The following LCA5L variants were observed in gnomAD, a reference collection of about 807,000 sequenced individuals.
The protein encoded by LCA5L is lebercilin-like protein.
LCA5L carries 35 observed loss-of-function variants against 45.4 expected under a neutral mutation model. The observed-to-expected ratio is 0.77, with a 90% CI of 0.59 to 1.02. The LOEUF (loss-of-function observed/expected upper bound fraction) is 1.02. Among genes scored for constraint, LCA5L ranks in the 50% least tolerant of loss-of-function variants. The pLI is 0.00. For synonymous variants in LCA5L, 233 were observed against 264.7 expected, an observed-to-expected ratio of 0.88 and a Z score of 1.16; for missense variants, 668 against 761.6, an observed-to-expected ratio of 0.88 and a Z score of 1.45.
At chr21:39,436,293 T>C (rs543864619) in intron 2 of LCA5L, 35 of 152,342 alleles carry the variant, frequency 2.3e-4, no homozygotes, top group Non-Finnish European at 4.9e-4. Flanking sequence ...TCTGGTTCCA[T>C]ACTTTCATGA....
At chr21:39,412,294 G>A (rs2040223090) in intron 7 of LCA5L, among the ~76,000 whole-genome samples, 1 of 152,174 alleles carries the variant, frequency 6.6e-6, no homozygotes, top group African/African-American at 2.4e-5. Context: ...ATGAGACAGG[G>A]CTACGTCTAG....
intron 7 of LCA5L, among the ~76,000 whole-genome samples, chr21:39,412,366 G>T (rs1041611859): frequency 8.5e-5 from 13 of 152,132 alleles, no homozygotes; most frequent in Non-Finnish European, 1.3e-4. Context: ...ATTTCATATT[G>T]ATTTTTTTGA....
In LCA5L at chr21:39,406,274, CT is replaced by C. The variant is rs766423313; in HGVS notation, c.1620del (p.Pro543GlnfsTer7). On this transcript the variant is annotated frameshift_variant, in exon 11 of 11. Coordinates refer to ENST00000288350, the MANE Select transcript of LCA5L (RefSeq NM_152505.4). LOFTEE classifies it low-confidence loss of function (END_TRUNC). ...ATGTTGCCGGCATTGGCTGGCCCCC[CT>C]GAAGCAGGAAGCCCATGATGCAGGT... ...TENLHHGLPA[S>X]GGPANAGNMR... 4 of 1,614,110 alleles carry C rather than the reference CT, an allele frequency of 2.5e-6. No homozygotes were observed. Among genetic ancestry groups the C allele is most frequent in the African/African-American group, 1.3e-5 (1 of 74,924 alleles).
At chr21:39,441,322 A>G (rs541369039) in intron 2 of LCA5L, among the ~76,000 whole-genome samples, 71 of 152,126 alleles carry the variant, frequency 4.7e-4, no homozygotes, top group Middle Eastern at 3.4e-3. Flanking sequence ...AAAAAAAACC[A>G]AACGAACAAA....
At chr21:39,411,408 A>G (rs73365940) in intron 8 of LCA5L, among the ~76,000 whole-genome samples, 4,796 of 152,262 alleles carry the variant, frequency 0.031, 213 homozygotes, top group African/African-American at 0.097. Context: ...AAAGCCATAC[A>G]CTGGCTAACA....
chr21:39,444,625 A>G (rs572398995), intron 1 of LCA5L: 1 of 152,354 alleles, frequency 6.6e-6, no homozygotes, highest in African/African-American at 2.4e-5. Flanking sequence ...TTAGGAAGCA[A>G]GTAAAATAAT....
intron 2 of LCA5L, among the ~76,000 whole-genome samples, chr21:39,442,109 A>C (rs2076921619): frequency 6.6e-6 from 1 of 152,226 alleles, no homozygotes; most frequent in Non-Finnish European, 1.5e-5. Flanking sequence ...TGATCCTGAC[A>C]GCGATCAGGG....
rs376768499 is a variant in LCA5L at position 39,405,729 on chromosome 21, T to G, written c.*153A>C. On this transcript the variant is annotated 3_prime_UTR_variant, in exon 11 of 11. Coordinates refer to ENST00000288350, the MANE Select transcript of LCA5L (RefSeq NM_152505.4). ...ATATAAAATAGATTTTTTACTAGAT[T>G]AGCAATCAAACAAAAATTTAATTAT... The G allele has an allele frequency of 3.4e-5, 17 of 506,528 alleles. No homozygotes were observed. The South Asian group carries it at 6.7e-4, about 20-fold the overall frequency. 31.4% of individuals were successfully genotyped at this position (506,528 alleles called of 1,614,324 possible). A position where few individuals can be genotyped will look rare whatever the true frequency, so the allele number is the denominator to read the frequency against.
chr21:39,406,508 T>G lies in LCA5L; in HGVS notation c.1387A>C (p.Lys463Gln), dbSNP rs1194864540. ...TTTGGTGGTAGTTCTTGCTCTTCTT[T>G]CACAAAAATGTTTTTCTTTTCTTGG... is the stretch of plus-strand genomic sequence containing the variant. ...EDQEKKNIFV[K>Q]EEQELPPKII... Residue 463 changes from lysine to glutamine, a missense_variant, in exon 11 of 11, where the codon AAA (lysine) becomes CAA (glutamine). Physicochemically the swap from Lys to Gln is moderately conservative, Grantham distance 53 (BLOSUM62 1). Transcript: ENST00000288350. The G allele has an allele frequency of 6.2e-7, 1 of 1,613,534 alleles. No homozygotes were observed. The highest frequency in any genetic ancestry group is 8.5e-7 in the Non-Finnish European group (1 of 1,179,874).
intron 7 of LCA5L, among the ~76,000 whole-genome samples, chr21:39,416,073 T>C (rs774280154): frequency 2.0e-5 from 3 of 152,218 alleles, no homozygotes; most frequent in Non-Finnish European, 2.9e-5. Flanking sequence ...TCTAATCCTG[T>C]CATTCCTTCT....
At position 39,428,396 on chromosome 21, in the gene LCA5L, G is replaced by A. The variant is rs748953881; in HGVS notation, c.98C>T (p.Pro33Leu). 7.4e-6 allele frequency: 12 copies of A among 1,612,812 alleles called. No individual in the cohort carries two copies. The South Asian group carries it at 1.3e-4, about 18-fold the overall frequency. The part of the protein sequence containing the change: ...NRRSAACKRS[P>L]GTGDFSRNSN... ...GTTCCGTGAAAAATCGCCTGTGCCT[G>A]GGCTTCTCTTGCATGCTGCAGACCT... Residue 33 changes from proline (P) to leucine (L), a missense_variant, in exon 5 of 11, where the codon CCA becomes CTA. Pro to Leu is a moderately conservative substitution (Grantham distance 98). Transcript: ENST00000288350.
At chr21:39,417,835 C>A (rs527239521) in intron 7 of LCA5L, among the ~76,000 whole-genome samples, 2 of 152,002 alleles carry the variant, frequency 1.3e-5, no homozygotes, top group Non-Finnish European at 2.9e-5. Flanking sequence ...GCGTGATCTC[C>A]GCTCACTGCA....
rs1285539638 is a variant in LCA5L at position 39,411,784 on chromosome 21, C to T, written c.994G>A (p.Glu332Lys). The T allele has an allele frequency of 6.3e-7, 1 of 1,586,408 alleles. No homozygotes were observed. The highest frequency in any genetic ancestry group is 1.3e-5 in the African/African-American group (1 of 74,364). Reference protein sequence around the residue: ...QKLKEKDRELEIKNIYSHRIL... With the variant: ...QKLKEKDRELKIKNIYSHRIL... Reference sequence around the variant, plus strand: ...CGATGACTATAGATGTTTTTAATTTCAAGCTCACGATCCTTTTCCTAAAAA... The same window carrying T: ...CGATGACTATAGATGTTTTTAATTTTAAGCTCACGATCCTTTTCCTAAAAA... Residue 332 changes from glutamate to lysine, a missense_variant, in exon 8 of 11, where the codon GAA (glutamate) becomes AAA (lysine). Glu to Lys is a moderately conservative substitution (Grantham distance 56). Coordinates refer to ENST00000288350, the MANE Select transcript of LCA5L (RefSeq NM_152505.4).
At chr21:39,412,884 G>C (rs1416573147) in intron 7 of LCA5L, among the ~76,000 whole-genome samples, 2 of 152,212 alleles carry the variant, frequency 1.3e-5, no homozygotes, top group Non-Finnish European at 2.9e-5. Context: ...GCCAGAGATT[G>C]TGCTTCCCTT....
At position 39,411,785 on chromosome 21, in the gene LCA5L, A is replaced by G. The variant is rs769708155; in HGVS notation, c.993T>C (p.Leu331=). Residue 331 remains leucine, a synonymous_variant, in exon 8 of 11, where the codon CTT becomes CTC. Coordinates refer to ENST00000288350, the MANE Select transcript of LCA5L (RefSeq NM_152505.4). The stretch of plus-strand genomic sequence containing the variant: ...GATGACTATAGATGTTTTTAATTTC[A>G]AGCTCACGATCCTTTTCCTAAAAAG... ...QQKLKEKDRE[L]EIKNIYSHRI... 3.8e-6 allele frequency: 6 copies of G among 1,587,250 alleles called. No individual in the cohort carries two copies. Among genetic ancestry groups the G allele is most frequent in the Non-Finnish European group, 5.2e-6 (6 of 1,162,300 alleles).
intron 2 of LCA5L, chr21:39,438,907 T>A (rs1490973331): frequency 6.6e-6 from 1 of 152,250 alleles, no homozygotes; most frequent in Admixed American, 6.5e-5. Flanking sequence ...ATTCTCATTT[T>A]TAAGATTTAA....
chr21:39,434,906 A>C (rs1257631298), intron 3 of LCA5L, among the ~76,000 whole-genome samples: 1 of 152,234 alleles, frequency 6.6e-6, no homozygotes, highest in African/African-American at 2.4e-5. Flanking sequence ...AGGTAAGGCA[A>C]AAGGATCTTA....
chr21:39,432,649 T>C (rs1235329041), intron 3 of LCA5L, among the ~76,000 whole-genome samples: 2 of 152,170 alleles, frequency 1.3e-5, no homozygotes, highest in African/African-American at 2.4e-5. Flanking sequence ...CAGCACCCCA[T>C]TGTAATTCCT....
chr21:39,412,734 A>G (rs565873557), intron 7 of LCA5L, among the ~76,000 whole-genome samples: 13 of 152,336 alleles, frequency 8.5e-5, no homozygotes, highest in Admixed American at 1.3e-4. Flanking sequence ...GGAAAGTCTC[A>G]GTGCAAGAGG....
Sources: gnomAD v4.1 joint callset for allele counts (sites outside exome capture counted in the v4.1 genomes callset) on GRCh38, gnomAD v4.1.1 for gene constraint, MANE v1.5 for transcripts, NCBI Gene and HGNC (gene_info 2026-07-23, HGNC 2026-07-21) for gene names.